Variants in NRG3 observed in about 807,000 individuals in gnomAD.
NRG3 encodes neuregulin 3.
Under a neutral mutation model 66.9 loss-of-function variants are expected in NRG3, and 31 were observed. That is an observed-to-expected ratio of 0.46 (90% confidence interval 0.35 to 0.63). The LOEUF is 0.63. NRG3 is among the 20% of genes least tolerant of loss of function. NRG3 has a pLI of 0.00. For synonymous variants in NRG3, 393 were observed against 359.4 expected (o/e 1.09, Z -1.06); for missense variants, 910 against 878.9 (o/e 1.04, Z -0.45).
chr10:82,875,534 T>C (rs920700906), intron 4 of NRG3, among the ~76,000 whole-genome samples: 4 of 152,144 alleles, frequency 2.6e-5, no homozygotes, highest in Admixed American at 2.6e-4. Context: ...ATTTTTTATT[T>C]TTTTGTAGAG....
chr10:82,239,427 A>AT lies in NRG3; in HGVS notation c.824-119310dup, dbSNP rs2076910623. Among the ~76,000 whole-genome samples, 3 of 152,246 alleles carry AT rather than the reference A, an allele frequency of 2.0e-5. No individual in the cohort carries two copies. The South Asian group carries it at 6.2e-4, about 32-fold the overall frequency. On this transcript the variant is annotated intron_variant, in intron 1 of 8. Transcript: ENST00000372141. ...CGCCTTGGTCTCCCAAAGTGCTGGG[A>AT]TTACAGGCATGAGCCACCGCACCTG...
intron 1 of NRG3, among the ~76,000 whole-genome samples, chr10:82,220,558 G>A (rs908182587): frequency 1.5e-4 from 23 of 152,134 alleles, no homozygotes; most frequent in African/African-American, 4.8e-4. Flanking sequence ...AGCTGAGGGT[G>A]GACATTGAGG....
chr10:82,718,918 G>A (rs888435012), intron 2 of NRG3, among the ~76,000 whole-genome samples: 2 of 152,120 alleles, frequency 1.3e-5, no homozygotes, highest in African/African-American at 4.8e-5. Flanking sequence ...ATCGAGGTCT[G>A]GTAATAAATC....
At chr10:82,358,918 G>A (rs772114036) in intron 2 of NRG3, 50 bp downstream of exon 2, 18 of 1,611,798 alleles carry the variant, frequency 1.1e-5, no homozygotes, top group South Asian at 2.2e-5. Flanking sequence ...TGCAAGGCGT[G>A]GGGGTGGAGG....
At chr10:82,975,344 C>A (rs1852149994) in intron 7 of NRG3, among the ~76,000 whole-genome samples, 1 of 152,146 alleles carries the variant, frequency 6.6e-6, no homozygotes, top group Non-Finnish European at 1.5e-5. Context: ...TGTATTCTGT[C>A]ATAAATGTTT....
intron 2 of NRG3, among the ~76,000 whole-genome samples, chr10:82,670,055 TA>T (rs934405156): frequency 2.0e-5 from 3 of 152,044 alleles, no homozygotes; most frequent in African/African-American, 4.8e-5. Context: ...CTGTAAGACT[TA>T]AAAAAAATTA....
intron 4 of NRG3, among the ~76,000 whole-genome samples, chr10:82,929,263 GC>G: frequency 6.6e-6 from 1 of 152,202 alleles, no homozygotes; most frequent in South Asian, 2.1e-4. Flanking sequence ...AATATCTTCT[GC>G]TTTGACAACT....
intron 1 of NRG3, among the ~76,000 whole-genome samples, chr10:82,149,962 G>A (rs575273058): frequency 9.9e-5 from 15 of 152,192 alleles, no homozygotes; most frequent in African/African-American, 3.6e-4. Flanking sequence ...TCTCCACCCT[G>A]GGCCAGCTGT....
chr10:82,881,104 T>C (rs571093758), intron 4 of NRG3, among the ~76,000 whole-genome samples: 1 of 152,342 alleles, frequency 6.6e-6, no homozygotes, highest in South Asian at 2.1e-4. Flanking sequence ...TACTAAACTG[T>C]TCCCAAATTA....
At chr10:82,597,989 G>A (rs1234923573) in intron 2 of NRG3, among the ~76,000 whole-genome samples, 4 of 151,496 alleles carry the variant, frequency 2.6e-5, no homozygotes, top group Non-Finnish European at 5.9e-5. Flanking sequence ...TATAATGCAT[G>A]TACCTTGATG....
In NRG3 at chr10:82,985,760, AT is replaced by A. The variant is rs1169058006; in HGVS notation, c.*162del. ...ATATCATAGTGTTTTTTAACAAAAT[AT>A]TTTTTTAAGGGAAAGAAATGTTTCA... is the stretch of plus-strand genomic sequence containing the variant. On this transcript the variant is annotated 3_prime_UTR_variant, in exon 9 of 9. Coordinates refer to ENST00000372141, the MANE Select transcript of NRG3 (RefSeq NM_001010848.4). 6 of 820,520 alleles carry A rather than the reference AT, an allele frequency of 7.3e-6. No individual in the cohort carries two copies. The highest frequency in any genetic ancestry group is 2.8e-5 in the Admixed American group (1 of 35,672). 50.8% of individuals were successfully genotyped at this position (820,520 alleles called of 1,614,324 possible). A position where few individuals can be genotyped will look rare whatever the true frequency, so the allele number is the denominator to read the frequency against.
intron 1 of NRG3, among the ~76,000 whole-genome samples, chr10:82,153,146 C>T (rs1310738360): frequency 1.3e-5 from 2 of 151,996 alleles, no homozygotes; most frequent in African/African-American, 2.4e-5. Flanking sequence ...TGCTATGTTA[C>T]AACTTATTCC....
chr10:82,912,454 TA>T (rs1424112699), intron 4 of NRG3, among the ~76,000 whole-genome samples: 1 of 152,214 alleles, frequency 6.6e-6, no homozygotes, highest in Non-Finnish European at 1.5e-5. Flanking sequence ...CTGTCTTCTT[TA>T]CCTGAAATTA....
chr10:82,277,160 T>C (rs1393677614), intron 1 of NRG3, among the ~76,000 whole-genome samples: 1 of 144,436 alleles, frequency 6.9e-6, no homozygotes, highest in Non-Finnish European at 1.5e-5. Flanking sequence ...ATAATATTTA[T>C]TATTTTTATG....
intron 2 of NRG3, among the ~76,000 whole-genome samples, chr10:82,603,312 G>A (rs2047751241): frequency 1.3e-5 from 2 of 152,130 alleles, no homozygotes; most frequent in Admixed American, 6.6e-5. Context: ...ATCAAAAACA[G>A]TTACTCCCTC....
Position 82,951,518 on chromosome 10 carries a change from C to G in NRG3, c.1104C>G (p.Ile368Met). 3 of 1,613,966 alleles carry G rather than the reference C, an allele frequency of 1.9e-6. No individual in the cohort carries two copies. The South Asian group carries it at 3.3e-5, about 18-fold the overall frequency. Residue 368 changes from isoleucine (I) to methionine (M), a missense_variant, in exon 5 of 9, where the codon ATC becomes ATG. By Grantham distance (10) the Ile-to-Met change is conservative. Coordinates refer to ENST00000372141, the MANE Select transcript of NRG3 (RefSeq NM_001010848.4). ...AGGTGCTGTCAATTTCATGTATCAT[C>G]TTTGGAATTGTCATCGTGGGCATGT... Reference protein sequence around the residue: ...QRQVLSISCIIFGIVIVGMFC... With the variant: ...QRQVLSISCIMFGIVIVGMFC...
rs140222931 is a variant in NRG3, at chr10:82,941,747, G to A, written c.1055-9722G>A. On this transcript the variant is annotated intron_variant, in intron 4 of 8. Transcript: ENST00000372141. ...GACTCATTTCATAAATAGTGGGTTC[G>A]TTATTGAATATTGTTGTATTATGAT... 1.1e-3 allele frequency among the ~76,000 whole-genome samples: 162 copies of A among 152,270 alleles called. 1 individual carries two copies. The highest frequency in any genetic ancestry group is 3.6e-3 in the African/African-American group (148 of 41,546).
At chr10:82,064,381 A>G (rs1249939824) in intron 1 of NRG3, among the ~76,000 whole-genome samples, 1 of 151,548 alleles carries the variant, frequency 6.6e-6, no homozygotes, top group Admixed American at 6.6e-5. Flanking sequence ...TAAAAATAAT[A>G]TATTTATTAT....
At chr10:82,807,199 T>A (rs1565336644) in intron 3 of NRG3, among the ~76,000 whole-genome samples, 2 of 152,278 alleles carry the variant, frequency 1.3e-5, no homozygotes, top group African/African-American at 4.8e-5. Flanking sequence ...TCAAAGTACA[T>A]AAAAAGACAA....
Sources: gnomAD v4.1 joint callset for allele counts (sites outside exome capture counted in the v4.1 genomes callset) on GRCh38, gnomAD v4.1.1 for gene constraint, MANE v1.5 for transcripts, NCBI Gene and HGNC (gene_info 2026-07-23, HGNC 2026-07-21) for gene names.